MIR2052HG: variants seen among roughly 807,000 people sequenced by gnomAD.
MIR2052HG encodes MIR2052 host gene.
At chr8:74,701,875 G>A (rs1277925587) in intron 2 of MIR2052HG, among the ~76,000 whole-genome samples, 3 of 152,088 alleles carry the variant, frequency 2.0e-5, no homozygotes, top group Non-Finnish European at 4.4e-5. Context: ...TCCAGTTAAT[G>A]TCCGGTGAGT....
chr8:74,602,817 G>GTTTCTTTC (rs58455200), intron 1 of MIR2052HG, among the ~76,000 whole-genome samples: 4,573 of 73,570 alleles, frequency 0.062, 481 homozygotes, highest in East Asian at 0.13. Flanking sequence ...GCCCGGCCGT[G>GTTTCTTTC]TTTCTTTCTT....
chr8:74,603,649 C>A (rs1808058719), intron 1 of MIR2052HG: 2 of 1,218,460 alleles, frequency 1.6e-6, no homozygotes, highest in Non-Finnish European at 2.4e-6. Flanking sequence ...GGCAAACTGT[C>A]CTTGAAGGGT....
intron 2 of MIR2052HG, among the ~76,000 whole-genome samples, chr8:74,630,528 G>GAAAAA (rs200428495): frequency 7.9e-6 from 1 of 126,076 alleles, no homozygotes; most frequent in Non-Finnish European, 1.7e-5. Flanking sequence ...AGATTTCTCT[G>GAAAAA]AAAAAAAAAA....
At chr8:74,655,800 C>A (rs1364452809) in intron 2 of MIR2052HG, among the ~76,000 whole-genome samples, 1 of 152,124 alleles carries the variant, frequency 6.6e-6, no homozygotes, top group Non-Finnish European at 1.5e-5. Flanking sequence ...ATCCTTCAGA[C>A]CCCAGAATGG....
chr8:74,617,544 T>A (rs887242159), intron 2 of MIR2052HG, among the ~76,000 whole-genome samples: 1 of 152,058 alleles, frequency 6.6e-6, no homozygotes, highest in Non-Finnish European at 1.5e-5. Flanking sequence ...TATATACATA[T>A]ATATATGTAT....
intron 2 of MIR2052HG, among the ~76,000 whole-genome samples, chr8:74,673,517 G>A (rs1809015623): frequency 6.6e-6 from 1 of 151,944 alleles, no homozygotes; most frequent in Non-Finnish European, 1.5e-5. Context: ...ATCTTATTAT[G>A]CTACAGGGTA....
chr8:74,604,631 T>C (rs1808084594), intron 1 of MIR2052HG, among the ~76,000 whole-genome samples: 1 of 144,468 alleles, frequency 6.9e-6, no homozygotes, highest in Non-Finnish European at 1.5e-5. Flanking sequence ...CTTGCTCTTG[T>C]TGCCCAGGCT....
chr8:74,681,382 A>T (rs1439172582), intron 2 of MIR2052HG, among the ~76,000 whole-genome samples: 2 of 152,122 alleles, frequency 1.3e-5, no homozygotes, highest in Admixed American at 6.6e-5. Context: ...AAACCTTTCT[A>T]ATAAAGTATA....
At chr8:74,657,810 C>T (rs181665404) in intron 2 of MIR2052HG, among the ~76,000 whole-genome samples, 2 of 152,242 alleles carry the variant, frequency 1.3e-5, no homozygotes, top group Admixed American at 6.5e-5. Context: ...GGGACTCTCC[C>T]ACAACATGTA....
intron 2 of MIR2052HG, among the ~76,000 whole-genome samples, chr8:74,684,865 T>G (rs1809163095): frequency 6.6e-6 from 1 of 152,074 alleles, no homozygotes; most frequent in African/African-American, 2.4e-5. Context: ...GACAATGGAT[T>G]GGAGGGAATA....
intron 2 of MIR2052HG, among the ~76,000 whole-genome samples, chr8:74,662,889 T>TGTGTGC (rs1554574442): frequency 1.4e-4 from 21 of 148,218 alleles, no homozygotes; most frequent in African/African-American, 5.2e-4. Flanking sequence ...TGTGTGTGTG[T>TGTGTGC]GTGTGGTATA....
chr8:74,660,019 A>G (rs1808844734), intron 2 of MIR2052HG, among the ~76,000 whole-genome samples: 1 of 152,214 alleles, frequency 6.6e-6, no homozygotes, highest in African/African-American at 2.4e-5. Flanking sequence ...TATTCTGCAA[A>G]TATACAAGGA....
At chr8:74,663,490 A>T (rs1170920654) in intron 2 of MIR2052HG, among the ~76,000 whole-genome samples, 2 of 152,260 alleles carry the variant, frequency 1.3e-5, no homozygotes, top group Non-Finnish European at 2.9e-5. Flanking sequence ...GGTTGCAAGT[A>T]TGGATCAGCT....
At chr8:74,628,758 A>G (rs574867050) in intron 2 of MIR2052HG, 3 of 152,338 alleles carry the variant, frequency 2.0e-5, no homozygotes, top group South Asian at 2.1e-4. Flanking sequence ...GAGAAATATT[A>G]GAAGGTATAA....
intron 2 of MIR2052HG, among the ~76,000 whole-genome samples, chr8:74,622,491 C>A (rs1363592348): frequency 6.6e-6 from 1 of 152,068 alleles, no homozygotes; most frequent in Non-Finnish European, 1.5e-5. Context: ...GCAGTCCCTG[C>A]TACTTGGGAG....
chr8:74,755,669 T>C (rs1809992255), intron 5 of MIR2052HG, among the ~76,000 whole-genome samples: 1 of 152,184 alleles, frequency 6.6e-6, no homozygotes, highest in Non-Finnish European at 1.5e-5. Flanking sequence ...TCCATCTGTT[T>C]CCCTGTCTTG....
chr8:74,703,840 C>T (rs1442020211), intron 4 of MIR2052HG, among the ~76,000 whole-genome samples: 2 of 151,940 alleles, frequency 1.3e-5, no homozygotes, highest in African/African-American at 4.8e-5. Flanking sequence ...GATTAAGCAT[C>T]CTTAGGAATA....
chr8:74,660,736 T>C (rs1296106705), intron 2 of MIR2052HG, among the ~76,000 whole-genome samples: 1 of 152,208 alleles, frequency 6.6e-6, no homozygotes, highest in African/African-American at 2.4e-5. Context: ...GTTCAAGGGA[T>C]GTGCCTTTGG....
chr8:74,664,138 G>T (rs1808895144), intron 2 of MIR2052HG, among the ~76,000 whole-genome samples: 1 of 148,152 alleles, frequency 6.7e-6, no homozygotes, highest in Non-Finnish European at 1.5e-5. Context: ...AGAGTGGGAA[G>T]GCGGTGTGTG....
Sources: allele counts gnomAD v4.1 joint callset (sites outside exome capture counted in the v4.1 genomes callset), GRCh38; gene constraint gnomAD v4.1.1; transcripts MANE v1.5; gene names NCBI Gene and HGNC (gene_info 2026-07-23, HGNC 2026-07-21).